The following CHSY3 variants were observed in gnomAD, a reference collection of about 807,000 sequenced individuals.
The protein encoded by CHSY3 is chondroitin sulfate synthase 3.
A neutral mutation model predicts 67.2 loss-of-function variants in CHSY3; 35 were observed. That is an observed-to-expected ratio of 0.52 (90% confidence interval 0.40 to 0.69). CHSY3 has a LOEUF of 0.69. Among genes scored for constraint, CHSY3 ranks in the 30% least tolerant of loss-of-function variants. The pLI, the probability that CHSY3 is intolerant of heterozygous loss-of-function variation, is 0.00. For missense variants in CHSY3, 1,069 were observed against 1,138.5 expected (o/e 0.94, Z 0.88); for synonymous variants, 474 against 434.7 (o/e 1.09, Z -1.12).
At chr5:129,950,590 G>A (rs1268776711) in intron 2 of CHSY3, among the ~76,000 whole-genome samples, 1 of 152,028 alleles carries the variant, frequency 6.6e-6, no homozygotes, top group East Asian at 1.9e-4. Context: ...GACACAAAAT[G>A]AATATACAAA....
At chr5:130,181,138 C>T (rs1239888451) in intron 2 of CHSY3, among the ~76,000 whole-genome samples, 2 of 152,038 alleles carry the variant, frequency 1.3e-5, no homozygotes, top group East Asian at 3.9e-4. Flanking sequence ...GTGTTCATTG[C>T]TGCTGTGATT....
intron 2 of CHSY3, among the ~76,000 whole-genome samples, chr5:129,975,944 A>G (rs1226428545): frequency 6.6e-6 from 1 of 152,136 alleles, no homozygotes; most frequent in African/African-American, 2.4e-5. Context: ...TGCAGAGTTG[A>G]AGTAACTTGT....
intron 1 of CHSY3, among the ~76,000 whole-genome samples, chr5:129,907,520 C>A (rs191533568): frequency 3.8e-4 from 58 of 152,276 alleles, no homozygotes; most frequent in Admixed American, 2.0e-4. Flanking sequence ...ACCAATTACA[C>A]TAATTTTTGA....
At chr5:130,151,268 T>C (rs1269696172) in intron 2 of CHSY3, among the ~76,000 whole-genome samples, 2 of 152,228 alleles carry the variant, frequency 1.3e-5, no homozygotes, top group Non-Finnish European at 2.9e-5. Flanking sequence ...TCAAGACTGG[T>C]AACTTTGCCA....
intron 2 of CHSY3, among the ~76,000 whole-genome samples, chr5:129,908,783 C>G (rs904950069): frequency 1.3e-5 from 2 of 151,924 alleles, no homozygotes; most frequent in Non-Finnish European, 2.9e-5. Context: ...AATGGCATCT[C>G]TTTGTTTTTA....
intron 2 of CHSY3, among the ~76,000 whole-genome samples, chr5:129,958,508 G>A (rs1762241622): frequency 6.6e-6 from 1 of 152,030 alleles, no homozygotes; most frequent in Non-Finnish European, 1.5e-5. Context: ...TAACATTTTT[G>A]TAACTTTTGT....
At chr5:129,989,502 G>T (rs1444352631) in intron 2 of CHSY3, among the ~76,000 whole-genome samples, 1 of 151,998 alleles carries the variant, frequency 6.6e-6, no homozygotes, top group Non-Finnish European at 1.5e-5. Flanking sequence ...ATCCATTCTT[G>T]AGGGCCTCAC....
Position 130,184,274 on chromosome 5 carries a change from T to A in CHSY3, c.1132T>A (p.Tyr378Asn), listed in dbSNP as rs1241066542. 1 of 1,609,494 alleles carries A rather than the reference T, an allele frequency of 6.2e-7. No homozygotes were observed. The highest frequency in any genetic ancestry group is 8.5e-7 in the Non-Finnish European group (1 of 1,177,808). The change falls in exon 3 of 3, where the codon TAC becomes AAC. Residue 378 changes from tyrosine (Y) to asparagine (N), a missense_variant. Physicochemically the swap from Tyr to Asn is moderately radical, Grantham distance 143. Transcript: ENST00000305031. ...AAATTATGAACACAATCGGAAGGGT[T>A]ACATCCAAGACCTTCACAATAGCAA... ...HENYEHNRKG[Y>N]IQDLHNSKIH...
At chr5:130,039,202 A>G (rs1442109804) in intron 2 of CHSY3, among the ~76,000 whole-genome samples, 3 of 152,074 alleles carry the variant, frequency 2.0e-5, no homozygotes, top group Non-Finnish European at 2.9e-5. Context: ...GATTCCAGGA[A>G]CAGGATAATT....
At chr5:130,147,144 T>A (rs990241659) in intron 2 of CHSY3, among the ~76,000 whole-genome samples, 2 of 152,148 alleles carry the variant, frequency 1.3e-5, no homozygotes, top group African/African-American at 4.8e-5. Flanking sequence ...TTCCACATGA[T>A]ATATCTGAGA....
At chr5:130,152,556 T>C (rs1021619766) in intron 2 of CHSY3, among the ~76,000 whole-genome samples, 3 of 152,156 alleles carry the variant, frequency 2.0e-5, no homozygotes, top group Non-Finnish European at 4.4e-5. Context: ...GCGAGAGTTA[T>C]TTAAGCTTCT....
intron 2 of CHSY3, among the ~76,000 whole-genome samples, chr5:130,075,765 A>T (rs1479832392): frequency 1.3e-5 from 2 of 152,156 alleles, no homozygotes; most frequent in Non-Finnish European, 2.9e-5. Context: ...TGTGAGATCA[A>T]GTAAGGCTAG....
intron 2 of CHSY3, among the ~76,000 whole-genome samples, chr5:130,023,053 G>A (rs759425505): frequency 6.6e-6 from 1 of 151,966 alleles, no homozygotes; most frequent in African/African-American, 2.4e-5. Flanking sequence ...GATATTCCTA[G>A]AGAAGACCTC....
At chr5:129,942,109 A>C (rs1466050968) in intron 2 of CHSY3, among the ~76,000 whole-genome samples, 1 of 152,088 alleles carries the variant, frequency 6.6e-6, no homozygotes, top group African/African-American at 2.4e-5. Flanking sequence ...GAGGATCATA[A>C]AATCTACAAT....
intron 2 of CHSY3, among the ~76,000 whole-genome samples, chr5:129,919,753 A>G (rs1050411943): frequency 6.6e-6 from 1 of 152,210 alleles, no homozygotes; most frequent in African/African-American, 2.4e-5. Flanking sequence ...GCCAAACCAT[A>G]TCAGTTGGCA....
At chr5:129,988,937 A>G (rs1763279106) in intron 2 of CHSY3, among the ~76,000 whole-genome samples, 1 of 152,180 alleles carries the variant, frequency 6.6e-6, no homozygotes. Context: ...GCAACTTGGA[A>G]TACTTTCTAT....
rs1310605771 is a variant in CHSY3 at position 130,035,296 on chromosome 5, G to A, written c.1086+126936G>A. Among the ~76,000 whole-genome samples, 7 of 152,010 alleles carry A rather than the reference G, an allele frequency of 4.6e-5. No individual in the cohort carries two copies. The South Asian group carries it at 1.2e-3, about 27-fold the overall frequency. ...GTATATTTTTAATTTAGAACCCATGGGATTTCCTGATGGATTAGCAGTAGA... is the reference window on the plus strand; with the variant it reads ...GTATATTTTTAATTTAGAACCCATGAGATTTCCTGATGGATTAGCAGTAGA... On this transcript the variant is annotated intron_variant, in intron 2 of 2. Transcript: ENST00000305031.
At chr5:130,130,653 C>T (rs35346700) in intron 2 of CHSY3, among the ~76,000 whole-genome samples, 18,668 of 152,150 alleles carry the variant, frequency 0.12, 1,257 homozygotes, top group South Asian at 0.17. Flanking sequence ...ACATCAGTCT[C>T]TTCTCCAGAT....
At chr5:130,019,354 T>C (rs547474936) in intron 2 of CHSY3, among the ~76,000 whole-genome samples, 56 of 152,238 alleles carry the variant, frequency 3.7e-4, no homozygotes, top group African/African-American at 1.3e-3. Context: ...CAACATCAGG[T>C]ACTCCATCAC....
Sources: allele counts gnomAD v4.1 joint callset (sites outside exome capture counted in the v4.1 genomes callset), GRCh38; gene constraint gnomAD v4.1.1; transcripts MANE v1.5; gene names NCBI Gene and HGNC (gene_info 2026-07-23, HGNC 2026-07-21).